TRPM3: variants seen among roughly 807,000 people sequenced by gnomAD.
TRPM3 encodes the protein transient receptor potential cation channel subfamily M member 3.
A neutral mutation model predicts 181.2 loss-of-function variants in TRPM3; 77 were observed. The observed-to-expected ratio is 0.42, with a 90% CI of 0.35 to 0.51. The LOEUF is 0.51. TRPM3 is among the 20% of genes least tolerant of loss of function. The probability of loss-of-function intolerance (pLI) is 0.01; values close to 1 mark genes in which losing one functional copy is unlikely to be tolerated. For missense variants in TRPM3, 1,759 were observed against 2,196.7 expected (o/e 0.80, Z 3.98); for synonymous variants, 745 against 796.4 (o/e 0.94, Z 1.09).
chr9:71,316,617 T>A (rs149524725), intron 1 of TRPM3, among the ~76,000 whole-genome samples: 1 of 151,954 alleles, frequency 6.6e-6, no homozygotes, highest in Non-Finnish European at 1.5e-5. Context: ...GAGGAGGCCA[T>A]AAGCCAAGGA....
At chr9:70,797,355 C>A (rs1159109078) in intron 6 of TRPM3, among the ~76,000 whole-genome samples, 1 of 152,184 alleles carries the variant, frequency 6.6e-6, no homozygotes, top group East Asian at 1.9e-4. Flanking sequence ...TACCTGACTT[C>A]CCTAATATAA....
In TRPM3 at chr9:70,536,582, A is replaced by T. The variant is rs2041816051; in HGVS notation, c.4531T>A (p.Ser1511Thr). The T allele has an allele frequency of 6.2e-7, 1 of 1,613,972 alleles. No individual in the cohort carries two copies. Among genetic ancestry groups the T allele is most frequent in the African/African-American group, 1.3e-5 (1 of 74,914 alleles). Residue 1511 changes from serine to threonine, a missense_variant, in exon 26 of 26, where the codon TCC (serine) becomes ACC (threonine). Around this residue, in one of 8 missense-constraint regions of TRPM3, gnomAD observed 612 missense variants for 590.0 expected, o/e 1.04. Coordinates refer to ENST00000677713, the MANE Select transcript of TRPM3 (RefSeq NM_001366145.2). Reference sequence around the variant, plus strand: ...GTGGCTAGGTAGCGGCTACTTTTGGAACGCTCAATGGTGTGGTACATCGGA... The same window carrying T: ...GTGGCTAGGTAGCGGCTACTTTTGGTACGCTCAATGGTGTGGTACATCGGA... ...EPPMYHTIER[S>T]KSSRYLATTP...
intron 22 of TRPM3, among the ~76,000 whole-genome samples, chr9:70,584,298 C>T (rs940504707): frequency 1.3e-5 from 2 of 152,170 alleles, no homozygotes; most frequent in African/African-American, 4.8e-5. Context: ...GTAGAAGTTG[C>T]ACATTTTTCT....
At chr9:71,092,757 T>C (rs1029317974) in intron 1 of TRPM3, among the ~76,000 whole-genome samples, 6 of 152,176 alleles carry the variant, frequency 3.9e-5, no homozygotes, top group Non-Finnish European at 8.8e-5. Flanking sequence ...ACATTAAATG[T>C]TGTGATAAAT....
intron 1 of TRPM3, among the ~76,000 whole-genome samples, chr9:71,278,346 C>T (rs1372162201): frequency 1.3e-5 from 2 of 152,118 alleles, no homozygotes; most frequent in African/African-American, 4.8e-5. Flanking sequence ...CCAAAGAGGT[C>T]AAAGAGGCTT....
chr9:70,936,921 C>A (rs1029362961), intron 1 of TRPM3, among the ~76,000 whole-genome samples: 5 of 152,142 alleles, frequency 3.3e-5, no homozygotes, highest in Non-Finnish European at 7.4e-5. Context: ...ATACAAAAAA[C>A]CATACAAAAA....
chr9:71,358,047 T>A (rs932074161), intron 1 of TRPM3, among the ~76,000 whole-genome samples: 3 of 152,148 alleles, frequency 2.0e-5, no homozygotes, highest in African/African-American at 7.2e-5. Context: ...GAGTACAATA[T>A]TTATTGTATT....
chr9:70,743,200 G>C (rs1228120053), intron 8 of TRPM3, among the ~76,000 whole-genome samples: 1 of 152,118 alleles, frequency 6.6e-6, no homozygotes, highest in East Asian at 1.9e-4. Context: ...GACTAAGTCT[G>C]GATCACGGAG....
At chr9:71,347,935 G>C (rs1205508003) in intron 1 of TRPM3, among the ~76,000 whole-genome samples, 2 of 152,124 alleles carry the variant, frequency 1.3e-5, no homozygotes, top group African/African-American at 2.4e-5. Context: ...AAATAGGGCT[G>C]ATTGATTTGC....
At chr9:70,581,936 C>T (rs918341388) in intron 22 of TRPM3, among the ~76,000 whole-genome samples, 4 of 136,870 alleles carry the variant, frequency 2.9e-5, no homozygotes, top group Non-Finnish European at 4.9e-5. Context: ...CCTTCCCTCC[C>T]TTTTTTCCTT....
At chr9:70,603,976 C>T (rs11142503) in intron 19 of TRPM3, among the ~76,000 whole-genome samples, 48,219 of 151,878 alleles carry the variant, frequency 0.32, 7,903 homozygotes, top group South Asian at 0.4. Context: ...GCTTAAAGTG[C>T]TTCGCTTGTC....
At chr9:71,338,405 T>A (rs1278442627) in intron 1 of TRPM3, among the ~76,000 whole-genome samples, 1 of 152,112 alleles carries the variant, frequency 6.6e-6, no homozygotes, top group East Asian at 1.9e-4. Flanking sequence ...ACGTAGTATG[T>A]CCAGCAAATT....
intron 8 of TRPM3, among the ~76,000 whole-genome samples, chr9:70,756,508 A>C (rs974639883): frequency 2.6e-5 from 4 of 152,202 alleles, no homozygotes; most frequent in African/African-American, 9.7e-5. Flanking sequence ...AGACATCTAC[A>C]GAACTTTCCA....
rs1227609642 is a variant in TRPM3, at chr9:70,553,205, AAG to A, written c.3327_3328del (p.Leu1110SerfsTer15). Reference sequence around the variant, plus strand: ...GTTGACCAGCAAGATGTTTGCCACTAAGAGGTAGCAGGCCATGATGGCCGGCA... The same window carrying A: ...GTTGACCAGCAAGATGTTTGCCACTAAGGTAGCAGGCCATGATGGCCGGCA... On this transcript the variant is annotated frameshift_variant, in exon 23 of 26. Transcript: ENST00000677713. LOFTEE classifies it high-confidence loss of function. The A allele has an allele frequency of 6.2e-7, 1 of 1,614,126 alleles. No homozygotes were observed. The highest frequency in any genetic ancestry group is 8.5e-7 in the Non-Finnish European group (1 of 1,180,026).
upstream of TRPM3, among the ~76,000 whole-genome samples, chr9:71,123,447 G>A (rs1437238403): frequency 6.6e-6 from 1 of 152,164 alleles, no homozygotes; most frequent in African/African-American, 2.4e-5. Context: ...GCCTATGGTT[G>A]TTGTGAGGAC....
chr9:70,853,502 C>T (rs970295103), intron 3 of TRPM3, among the ~76,000 whole-genome samples: 2 of 152,062 alleles, frequency 1.3e-5, no homozygotes, highest in African/African-American at 4.8e-5. Context: ...GCTATTTGGT[C>T]AAAGAAAGAG....
intron 1 of TRPM3, chr9:70,868,880 CT>C: frequency 1.7e-6 from 1 of 592,360 alleles, no homozygotes; most frequent in Non-Finnish European, 2.1e-6. Context: ...TCGTTTTGCC[CT>C]TTCCCTCCAA....
intron 1 of TRPM3, among the ~76,000 whole-genome samples, chr9:71,202,889 C>T (rs1175588485): frequency 2.0e-5 from 3 of 152,312 alleles, no homozygotes; most frequent in Admixed American, 6.5e-5. Context: ...AGTGTCTGCT[C>T]TCTCATGGGT....
chr9:70,690,808 T>A (rs2068306712), intron 8 of TRPM3, among the ~76,000 whole-genome samples: 1 of 152,214 alleles, frequency 6.6e-6, no homozygotes, highest in Non-Finnish European at 1.5e-5. Flanking sequence ...AAGCACATAT[T>A]AGCTTCTGTT....
Sources: gnomAD v4.1 joint callset for allele counts (sites outside exome capture counted in the v4.1 genomes callset) on GRCh38, gnomAD v4.1.1 for gene constraint, gnomAD v4.1.1 regional missense constraint, MANE v1.5 for transcripts, NCBI Gene and HGNC (gene_info 2026-07-23, HGNC 2026-07-21) for gene names.